DEAF1: variants seen among roughly 807,000 people sequenced by gnomAD.
DEAF1 encodes deformed epidermal autoregulatory factor 1 homolog.
In DEAF1, 53 loss-of-function variants were observed where a neutral mutation model predicts 58.9. The ratio of observed to expected loss-of-function variants is 0.90; its 90% CI spans 0.72 to 1.13. The LOEUF (loss-of-function observed/expected upper bound fraction) is 1.13, where lower values mean the gene tolerates loss of function less well. DEAF1 is among the 50% of genes most tolerant of loss of function. DEAF1 has a pLI of 0.00. For missense variants in DEAF1, 685 were observed against 791.4 expected (o/e 0.87, Z 1.61); for synonymous variants, 385 against 340.4 (o/e 1.13, Z -1.44).
intron 10 of DEAF1, among the ~76,000 whole-genome samples, chr11:666,768 A>G (rs980943433): frequency 6.7e-6 from 1 of 148,898 alleles, no homozygotes; most frequent in African/African-American, 2.5e-5. Flanking sequence ...AGTCCCATCT[A>G]CTTGGAAGGC....
At chr11:645,945 C>T (rs1375986674) in intron 11 of DEAF1, among the ~76,000 whole-genome samples, 5 of 152,082 alleles carry the variant, frequency 3.3e-5, no homozygotes, top group Non-Finnish European at 7.4e-5. Context: ...AGAATTCCAG[C>T]TGATTATAAT....
intron 1 of DEAF1, chr11:703,096 T>C: frequency 6.2e-7 from 1 of 1,611,702 alleles, no homozygotes; most frequent in South Asian, 1.1e-5. Context: ...TCCTGGCCCT[T>C]CACGGCCTGG....
intron 11 of DEAF1, chr11:651,369 GATGGA>G (rs1403236729): frequency 3.1e-6 from 1 of 319,352 alleles, no homozygotes; most frequent in East Asian, 1.2e-4. Flanking sequence ...GAAGCCAGGA[GATGGA>G]GACCAGGCTG....
At chr11:670,728 C>A (rs958109566) in intron 10 of DEAF1, among the ~76,000 whole-genome samples, 2 of 147,714 alleles carry the variant, frequency 1.4e-5, no homozygotes, top group African/African-American at 2.5e-5. Context: ...ATATATATAT[C>A]TTTTTCTTTA....
At chr11:654,101 CCT>C (rs1483257611) in intron 10 of DEAF1, 50 bp from the exon 11 acceptor site, 3 of 1,530,096 alleles carry the variant, frequency 2.0e-6, no homozygotes, top group African/African-American at 1.4e-5. Flanking sequence ...GTGGAGAGCC[CCT>C]GAGACACCGG....
upstream of DEAF1, chr11:699,523 G>GAT (rs1861347637): frequency 6.5e-6 from 1 of 154,246 alleles, no homozygotes; most frequent in Admixed American, 6.4e-5. Flanking sequence ...GAGGTGGACA[G>GAT]ATCACTTGAC....
chr11:684,872 C>T (rs2133394808), intron 6 of DEAF1, 26 bp downstream of exon 6: 10 of 1,550,726 alleles, frequency 6.4e-6, no homozygotes, highest in Non-Finnish European at 8.7e-6. Context: ...CCAAGTCATC[C>T]TGTTCCAGAC....
At chr11:700,249 G>C (rs776915110) in intron 1 of DEAF1, 13 of 1,606,160 alleles carry the variant, frequency 8.1e-6, no homozygotes, top group Non-Finnish European at 1.1e-5. Context: ...AGTCAGGGAC[G>C]GGCACAGTGG....
intron 11 of DEAF1, among the ~76,000 whole-genome samples, chr11:650,173 G>C (rs1858699191): frequency 6.6e-6 from 1 of 151,758 alleles, no homozygotes; most frequent in African/African-American, 2.4e-5. Context: ...TCAGGAGTTT[G>C]AGACCAGCCT....
chr11:685,267 TAG>T (rs1449605870), intron 5 of DEAF1, among the ~76,000 whole-genome samples: 1 of 151,888 alleles, frequency 6.6e-6, no homozygotes, highest in African/African-American at 2.4e-5. Context: ...GTATTTTTAG[TAG>T]AGACAGGTTT....
At chr11:653,486 C>G (rs988096309) in intron 11 of DEAF1, among the ~76,000 whole-genome samples, 1 of 136,606 alleles carries the variant, frequency 7.3e-6, no homozygotes, top group South Asian at 2.4e-4. Flanking sequence ...GAACTGTGGA[C>G]AGTCTCTCTC....
At chr11:681,167 G>T in intron 6 of DEAF1, 78 bp from the exon 7 acceptor site, 1 of 1,595,936 alleles carries the variant, frequency 6.3e-7, no homozygotes. Context: ...CCTTAAGTGG[G>T]GGCACCGCGG....
chr11:670,931 G>GTTTTTCT (rs1859793924), intron 10 of DEAF1, among the ~76,000 whole-genome samples: 1 of 91,388 alleles, frequency 1.1e-5, no homozygotes, highest in Non-Finnish European at 1.9e-5. Flanking sequence ...CCTGGCTAAT[G>GTTTTTCT]TTTTTTTTTT....
At chr11:697,015 TG>T (rs1354368440), upstream of DEAF1, among the ~76,000 whole-genome samples, 5 of 73,136 alleles carry the variant, frequency 6.8e-5, no homozygotes, top group Admixed American at 3.9e-4. Flanking sequence ...GTGGTGGTGG[TG>T]GGGGGGGTGG....
intron 4 of DEAF1, 100 bp from the exon 5 acceptor site, chr11:687,097 C>A (rs573475291): frequency 2.6e-6 from 4 of 1,555,508 alleles, no homozygotes; most frequent in Admixed American, 3.4e-5. Context: ...CCAGCACCAG[C>A]GCCCCAGCGG....
chr11:678,866 G>A (rs772823322), intron 8 of DEAF1, 44 bp from the exon 9 acceptor site: 17 of 1,609,974 alleles, frequency 1.1e-5, no homozygotes, highest in Middle Eastern at 3.3e-4. Flanking sequence ...ATGGTTGTCC[G>A]CACAGCAGAC....
chr11:669,579 C>T (rs1353849053), intron 10 of DEAF1, among the ~76,000 whole-genome samples: 3 of 149,912 alleles, frequency 2.0e-5, no homozygotes, highest in East Asian at 2.0e-4. Context: ...GAGGTTATGG[C>T]GAGCCGAGAT....
chr11:694,714 G>A, intron 1 of DEAF1, 45 bp downstream of exon 1: 1 of 1,285,442 alleles, frequency 7.8e-7, no homozygotes, highest in Non-Finnish European at 9.8e-7. Context: ...CGCGGGGTAG[G>A]CGCGCGGGAA....
upstream of DEAF1, chr11:697,598 A>G (rs1334270988): frequency 6.6e-6 from 1 of 152,222 alleles, no homozygotes; most frequent in African/African-American, 2.4e-5. Flanking sequence ...CAACTAGCAG[A>G]CACATTGGAA....
Sources: gnomAD v4.1 joint callset for allele counts (sites outside exome capture counted in the v4.1 genomes callset) on GRCh38, gnomAD v4.1.1 for gene constraint, MANE v1.5 for transcripts, NCBI Gene and HGNC (gene_info 2026-07-23, HGNC 2026-07-21) for gene names.